CCDC88A: variants seen among roughly 807,000 people sequenced by gnomAD.
CCDC88A encodes the protein coiled-coil and HOOK domain protein 88A.
A neutral mutation model predicts 234.3 loss-of-function variants in CCDC88A; 54 were observed. That is an observed-to-expected ratio of 0.23 (90% CI 0.19 to 0.29). The LOEUF is 0.29. Among genes scored for constraint, CCDC88A ranks in the 10% least tolerant of loss-of-function variants. The pLI, the probability that CCDC88A is intolerant of heterozygous loss-of-function variation, is 1.00. For missense variants in CCDC88A, 1,832 were observed against 2,123.4 expected, an observed-to-expected ratio of 0.86 and a Z score of 2.70; for synonymous variants, 753 against 737.8, an observed-to-expected ratio of 1.02 and a Z score of -0.33.
intron 2 of CCDC88A, among the ~76,000 whole-genome samples, 191 bp from the exon 3 acceptor site, chr2:55,389,077 C>T (rs999959758): frequency 6.6e-6 from 1 of 152,152 alleles, no homozygotes; most frequent in Non-Finnish European, 1.5e-5. Flanking sequence ...ACAAATGCAA[C>T]TGATTTCCCA....
chr2:55,336,167 A>G (rs1221850358), intron 14 of CCDC88A, among the ~76,000 whole-genome samples: 1 of 152,180 alleles, frequency 6.6e-6, no homozygotes, highest in East Asian at 1.9e-4. Flanking sequence ...GCACTCCAGC[A>G]TGAGTGACAG....
In CCDC88A at chr2:55,301,278, C is replaced by G; in HGVS notation, c.4673-1G>C. 6.5e-7 allele frequency: 1 copy of G among 1,535,154 alleles called. No individual in the cohort carries two copies. Among genetic ancestry groups the G allele is most frequent in the South Asian group, 1.2e-5 (1 of 84,218 alleles). On this transcript the variant is annotated splice_acceptor_variant, in intron 27 of 32. Coordinates refer to ENST00000436346, the MANE Select transcript of CCDC88A (RefSeq NM_001365480.1). LOFTEE classifies it high-confidence loss of function. The stretch of plus-strand genomic sequence containing the variant: ...CTTATGTCTTCAAAGGATGTAGTAT[C>G]TACATAAAATAGCAAAATGGATATA...
At chr2:55,349,320 A>C in intron 9 of CCDC88A, 198 bp downstream of exon 9, 1 of 539,044 alleles carries the variant, frequency 1.9e-6, no homozygotes, top group Non-Finnish European at 3.2e-6. Context: ...GCAGAGTTTG[A>C]ACAGCATTAA....
rs1007133648 is a variant in CCDC88A at position 55,407,434 on chromosome 2, G to C, written c.164+11382C>G. 2.0e-5 allele frequency among the ~76,000 whole-genome samples: 3 copies of C among 150,688 alleles called. No homozygotes were observed. The East Asian group carries it at 6.0e-4, about 30-fold the overall frequency. ...CGCCTGGCCAACATGGTGAAATCCC[G>C]TCTCTACTAAAAATACAAAAATTAG... On this transcript the variant is annotated intron_variant, in intron 2 of 32. Coordinates refer to ENST00000436346, the MANE Select transcript of CCDC88A (RefSeq NM_001365480.1).
intron 2 of CCDC88A, among the ~76,000 whole-genome samples, chr2:55,399,189 A>C (rs1382364607): frequency 2.0e-5 from 3 of 152,172 alleles, no homozygotes; most frequent in Admixed American, 1.3e-4. Context: ...CAGAATAGAC[A>C]CATTATCCCT....
Position 55,388,836 on chromosome 2 carries a change from G to T in CCDC88A, c.215C>A (p.Ala72Asp). ...GGATAGATTGTGCATTCTAAGTGAG[G>T]CATCATTATTGACTTTTTTATTTAC... The part of the protein sequence containing the change: ...QRVNKKVNND[A>D]SLRMHNLSIL... The change falls in exon 3 of 33, where the codon GCC becomes GAC. Residue 72 changes from alanine (A) to aspartate (D), a missense_variant. Ala to Asp is a moderately radical substitution (Grantham distance 126, BLOSUM62 -2). Coordinates refer to ENST00000436346, the MANE Select transcript of CCDC88A (RefSeq NM_001365480.1). 2 of 1,539,576 alleles carry T rather than the reference G, an allele frequency of 1.3e-6. No individual in the cohort carries two copies. The highest frequency in any genetic ancestry group is 1.8e-6 in the Non-Finnish European group (2 of 1,129,484).
rs1682455871 is a variant in CCDC88A, at chr2:55,312,415, A to G, written c.4079+19T>C. The stretch of plus-strand genomic sequence containing the variant: ...TCATGAGTAACATATTTCAGAGTGC[A>G]AAATTATTTGGTACCTACATGTACT... On this transcript the variant is annotated intron_variant, in intron 23 of 32. Coordinates refer to ENST00000436346, the MANE Select transcript of CCDC88A (RefSeq NM_001365480.1). The G allele has an allele frequency of 6.2e-7, 1 of 1,604,176 alleles. No individual in the cohort carries two copies. The highest frequency in any genetic ancestry group is 8.5e-7 in the Non-Finnish European group (1 of 1,174,376).
In CCDC88A at chr2:55,386,962, G is replaced by A. The variant is rs373434047; in HGVS notation, c.273+1816C>T. Among the ~76,000 whole-genome samples the A allele has an allele frequency of 1.9e-4, 29 of 150,774 alleles. No individual in the cohort carries two copies. In the South Asian group the frequency reaches 2.9e-3, roughly 15 times the overall value. On this transcript the variant is annotated intron_variant, in intron 3 of 32. Coordinates refer to ENST00000436346, the MANE Select transcript of CCDC88A (RefSeq NM_001365480.1). ...GGCCGAGGCGGGTGGATCACAGGAG[G>A]TCAGGAGTTCGAGACCAGCCTGGCC...
chr2:55,396,742 C>T (rs756845170), intron 2 of CCDC88A, among the ~76,000 whole-genome samples: 13 of 151,654 alleles, frequency 8.6e-5, no homozygotes, highest in Admixed American at 6.6e-4. Context: ...TGGTGGCAGG[C>T]ACCTGTAGTC....
At chr2:55,380,694 C>T (rs13022424) in intron 3 of CCDC88A, among the ~76,000 whole-genome samples, 46,130 of 152,024 alleles carry the variant, frequency 0.3, 7,422 homozygotes, top group East Asian at 0.54. Flanking sequence ...CGACTCATTG[C>T]AACCTCTGCC....
In CCDC88A at chr2:55,334,331, A is replaced by T. The variant is rs1212911524; in HGVS notation, c.2490T>A (p.Asp830Glu). The T allele has an allele frequency of 5.3e-6, 8 of 1,510,626 alleles. No individual in the cohort carries two copies. Among genetic ancestry groups the T allele is most frequent in the African/African-American group, 2.8e-5 (2 of 70,738 alleles). The allele number at this position is 1,510,626 out of a possible 1,614,324, so 93.6% of individuals were successfully genotyped here. ...LEQETSQLEK[D>E]KKQLEKENKR... ...TATTTTCCTTCTCCAATTGTTTCTT[A>T]TCCTTTTCCAGTTGAGAAGTCTCTT... is the stretch of plus-strand genomic sequence containing the variant. Residue 830 changes from aspartate to glutamate, a missense_variant, in exon 15 of 33, where the codon GAT (aspartate) becomes GAA (glutamate). Transcript: ENST00000436346. This position sits in a 1 kb window ranked among gnomAD's most constrained non-coding sequence, Gnocchi z 6.1.
intron 2 of CCDC88A, 83 bp downstream of exon 2, chr2:55,418,733 G>C (rs1681868794): frequency 9.2e-7 from 1 of 1,091,548 alleles, no homozygotes; most frequent in Non-Finnish European, 1.4e-6. Flanking sequence ...AACCAAATTA[G>C]GGGCTTAAAA....
intron 2 of CCDC88A, chr2:55,418,534 A>G: frequency 2.5e-6 from 1 of 394,690 alleles, no homozygotes; most frequent in Non-Finnish European, 4.6e-6. Flanking sequence ...AAATTATCAA[A>G]GAATACACAA....
chr2:55,308,498 A>C (rs2104594476), intron 25 of CCDC88A: 1 of 256,822 alleles, frequency 3.9e-6, no homozygotes, highest in South Asian at 6.8e-5. Flanking sequence ...TGTCCTGTGA[A>C]GTATGAAGCA....
chr2:55,401,574 AATT>A (rs1323482905), intron 2 of CCDC88A, among the ~76,000 whole-genome samples: 10 of 144,708 alleles, frequency 6.9e-5, no homozygotes, highest in Non-Finnish European at 4.5e-5. Flanking sequence ...CATAAATTCA[AATT>A]CAATTACTTT....
In CCDC88A at chr2:55,328,219, T is replaced by C; in HGVS notation, c.2997+75A>G. 1 of 1,103,460 alleles carries C rather than the reference T, an allele frequency of 9.1e-7. No individual in the cohort carries two copies. Among genetic ancestry groups the C allele is most frequent in the East Asian group, 2.7e-5 (1 of 37,198 alleles). The allele number at this position is 1,103,460 out of a possible 1,614,324, so 68.4% of individuals were successfully genotyped here. On this transcript the variant is annotated intron_variant, in intron 17 of 32. Coordinates refer to ENST00000436346, the MANE Select transcript of CCDC88A (RefSeq NM_001365480.1). The surrounding 1 kb of genome is among the most constrained non-coding windows in gnomAD (Gnocchi z 4.3). ...CAATAAAATGTTTATATTTTTATTT[T>C]CTACTTTATATTTTTCTGTCCAAAT...
At chr2:55,374,361 T>C (rs542673320) in intron 4 of CCDC88A, among the ~76,000 whole-genome samples, 2 of 152,092 alleles carry the variant, frequency 1.3e-5, no homozygotes, top group South Asian at 4.1e-4. Flanking sequence ...AGAGCGAAAC[T>C]GCATCTCTAA....
intron 2 of CCDC88A, among the ~76,000 whole-genome samples, chr2:55,401,433 C>CAAAAAAAAAAAAAAA (rs1418741634): frequency 0.057 from 1,707 of 30,052 alleles, 726 homozygotes; most frequent in Middle Eastern, 0.12. Flanking sequence ...GACTCTGTCT[C>CAAAAAAAAAAAAAAA]CAAAAAAAAA....
chr2:55,295,667 C>T lies in CCDC88A; in HGVS notation c.5481G>A (p.Lys1827=), dbSNP rs1679949084. ...RRTSIHDFLT[K]DSRLPISVDS... is the part of the protein sequence containing the mutation. ...CAACTGATATAGGCAGTCTACTGTC[C>T]TTGGTCAAAAAATCATGGATGCTTG... Residue 1827 remains lysine, a synonymous_variant, in exon 31 of 33, where the codon AAG becomes AAA. Transcript: ENST00000436346. 2 of 1,614,098 alleles carry T rather than the reference C, an allele frequency of 1.2e-6. No homozygotes were observed. Among genetic ancestry groups the T allele is most frequent in the Admixed American group, 1.7e-5 (1 of 60,010 alleles).
Sources: allele counts gnomAD v4.1 joint callset (sites outside exome capture counted in the v4.1 genomes callset), GRCh38; gene constraint gnomAD v4.1.1; non-coding constraint Gnocchi (gnomAD v3.1); transcripts MANE v1.5; gene names NCBI Gene and HGNC (gene_info 2026-07-23, HGNC 2026-07-21).